Variants in CFHR1 observed in about 807,000 individuals in gnomAD.
CFHR1 encodes the protein complement factor H related 1.
CFHR1 carries 22 observed loss-of-function variants against 30.4 expected under a neutral mutation model. The ratio of observed to expected loss-of-function variants is 0.72; its 90% CI spans 0.52 to 1.03. CFHR1 has a LOEUF of 1.03. Among genes scored for constraint, CFHR1 ranks in the 50% least tolerant of loss-of-function variants. The probability of loss-of-function intolerance (pLI) is 0.00; values close to 1 mark genes in which losing one functional copy is unlikely to be tolerated. For synonymous variants in CFHR1, 95 were observed against 129.1 expected (o/e 0.74, Z 1.79); for missense variants, 248 against 380.6 (o/e 0.65, Z 2.90).
In CFHR1 at chr1:196,831,169, A is replaced by C. The variant is rs1323627298; in HGVS notation, c.790+487A>C. ...ACAAAAAAGTAATTTTTCTCTTTAT[A>C]TTTATATTTTATTTTAAAGAATTTA... On this transcript the variant is annotated intron_variant, in intron 5 of 5. Coordinates refer to ENST00000320493, the MANE Select transcript of CFHR1 (RefSeq NM_002113.3). Among the ~76,000 whole-genome samples, 4 of 136,176 alleles carry C rather than the reference A, an allele frequency of 2.9e-5. 1 individual carries two copies. Among genetic ancestry groups the C allele is most frequent in the East Asian group, 3.9e-4 (2 of 5,124 alleles). The allele number at this position is 136,176 out of a possible 152,430, so 89.3% of individuals were successfully genotyped here.
intron 2 of CFHR1, 90 bp downstream of exon 2, chr1:196,825,761 G>T: frequency 1.6e-6 from 2 of 1,290,176 alleles, no homozygotes; most frequent in Non-Finnish European, 1.1e-6. Context: ...GATAATCACA[G>T]GGACAGTGAC....
At chr1:196,826,511 A>C (rs1179429666) in intron 2 of CFHR1, among the ~76,000 whole-genome samples, 3 of 132,866 alleles carry the variant, frequency 2.3e-5, no homozygotes, top group Admixed American at 7.3e-5. Flanking sequence ...TTTGTTTTTG[A>C]GCCATCTCAA....
At chr1:196,831,037 CAG>C (rs1310142817) in intron 5 of CFHR1, among the ~76,000 whole-genome samples, 1 of 134,506 alleles carries the variant, frequency 7.4e-6, no homozygotes, top group Non-Finnish European at 1.6e-5. Context: ...GAGTCTGAGG[CAG>C]GAAAATGGCG....
At chr1:196,822,018 G>T (rs1426395336) in intron 1 of CFHR1, among the ~76,000 whole-genome samples, 1 of 131,470 alleles carries the variant, frequency 7.6e-6, no homozygotes, top group Non-Finnish European at 1.6e-5. Flanking sequence ...ATATAGAAAA[G>T]TACAATAAAA....
At chr1:196,820,595 A>G (rs1162149174) in intron 1 of CFHR1, among the ~76,000 whole-genome samples, 3 of 124,874 alleles carry the variant, frequency 2.4e-5, no homozygotes, top group African/African-American at 1.1e-4. Flanking sequence ...CAAAATCTCT[A>G]CCAAGGTCTA....
Position 196,820,847 on chromosome 1 carries a change from A to ATT in CFHR1, c.58+953_58+954dup, listed in dbSNP as rs1186295788. 3.9e-4 allele frequency: 49 copies of ATT among 125,086 alleles called. 6 individuals are homozygous for ATT. The highest frequency in any genetic ancestry group is 1.6e-3 in the African/African-American group (44 of 27,068). 7.7% of individuals were successfully genotyped at this position (125,086 alleles called of 1,614,324 possible). A position where few individuals can be genotyped will look rare whatever the true frequency, so the allele number is the denominator to read the frequency against. On this transcript the variant is annotated intron_variant, in intron 1 of 5. Coordinates refer to ENST00000320493, the MANE Select transcript of CFHR1 (RefSeq NM_002113.3). ...ATATTATTTCTATTGCTTGAAATTC[A>ATT]TTTTTTTTTGAGATGGACTTTCACT...
rs1553292704 is a variant in CFHR1 at position 196,823,101 on chromosome 1, A to ATATGTG, written c.59-2375_59-2374insATGTGT. Among the ~76,000 whole-genome samples, 85 of 47,052 alleles carry ATATGTG rather than the reference A, an allele frequency of 1.8e-3. 13 individuals are homozygous for ATATGTG. Among genetic ancestry groups the ATATGTG allele is most frequent in the African/African-American group, 8.4e-3 (76 of 9,090 alleles). 30.9% of individuals were successfully genotyped at this position (47,052 alleles called of 152,430 possible). A position where few individuals can be genotyped will look rare whatever the true frequency, so the allele number is the denominator to read the frequency against. ...TACGACTGTATATATATATATATATATGTGTGTGTGTGTGTGTGTGTGTGT... is the reference window on the plus strand; with the variant it reads ...TACGACTGTATATATATATATATATATATGTGTGTGTGTGTGTGTGTGTGTGTGTGT... On this transcript the variant is annotated intron_variant, in intron 1 of 5. Transcript: ENST00000320493.
At chr1:196,825,389 C>A in intron 1 of CFHR1, 88 bp from the exon 2 acceptor site, 1 of 1,022,130 alleles carries the variant, frequency 9.8e-7, no homozygotes, top group Non-Finnish European at 1.4e-6. Context: ...GAAAGAAAAA[C>A]ACTATAAGTG....
rs542932385 is a variant in CFHR1, at chr1:196,824,231, T to C, written c.59-1246T>C. Among the ~76,000 whole-genome samples, 3 of 125,766 alleles carry C rather than the reference T, an allele frequency of 2.4e-5. 1 individual carries two copies. In the South Asian group the frequency reaches 8.5e-4, roughly 36 times the overall value. 82.5% of individuals were successfully genotyped at this position (125,766 alleles called of 152,430 possible). On this transcript the variant is annotated intron_variant, in intron 1 of 5. Transcript: ENST00000320493. Reference sequence around the variant, plus strand: ...GTAGTATTTGTACATAACCTGTGCATATCCTCCCATACAATTTATTTTATT... The same window carrying C: ...GTAGTATTTGTACATAACCTGTGCACATCCTCCCATACAATTTATTTTATT...
intron 1 of CFHR1, among the ~76,000 whole-genome samples, chr1:196,823,600 T>C (rs1297440547): frequency 7.4e-6 from 1 of 135,740 alleles, no homozygotes; most frequent in Non-Finnish European, 1.6e-5. Flanking sequence ...TCTAGATAGA[T>C]GAAAAAGAGA....
At chr1:196,826,408 A>G (rs1207133155) in intron 2 of CFHR1, among the ~76,000 whole-genome samples, 1 of 135,392 alleles carries the variant, frequency 7.4e-6, no homozygotes, top group Non-Finnish European at 1.6e-5. Context: ...TATATATAGT[A>G]GCATGAGTTA....
At position 196,831,853 on chromosome 1, in the gene CFHR1, A is replaced by G. The variant is rs552529752; in HGVS notation, c.847A>G (p.Thr283Ala). 3.4e-5 allele frequency: 52 copies of G among 1,525,462 alleles called. 14 individuals are homozygous for G. Among genetic ancestry groups the G allele is most frequent in the Non-Finnish European group, 1.4e-5 (16 of 1,129,430 alleles). The allele number at this position is 1,525,462 out of a possible 1,614,324, so 94.5% of individuals were successfully genotyped here. Residue 283 changes from threonine to alanine, a missense_variant, in exon 6 of 6, where the codon ACA becomes GCA. Coordinates refer to ENST00000320493, the MANE Select transcript of CFHR1 (RefSeq NM_002113.3). The part of the protein sequence containing the change: ...MENYNIALRW[T>A]AKQKLYLRTG... ...AAATTATAACATAGCATTAAGGTGG[A>G]CAGCCAAACAGAAGCTTTATTTGAG...
In CFHR1 at chr1:196,825,469, T is replaced by C; in HGVS notation, c.59-8T>C. On this transcript the variant is annotated splice_polypyrimidine_tract_variant and splice_region_variant and intron_variant, in intron 1 of 5. Coordinates refer to ENST00000320493, the MANE Select transcript of CFHR1 (RefSeq NM_002113.3). Reference sequence around the variant, plus strand: ...ATGTAATTCTTCAGTTTTATGTTATTTTCCCAGCAACATTTTGTGATTTTC... The same window carrying C: ...ATGTAATTCTTCAGTTTTATGTTATCTTCCCAGCAACATTTTGTGATTTTC... The C allele has an allele frequency of 6.9e-7, 1 of 1,449,476 alleles. No homozygotes were observed. Among genetic ancestry groups the C allele is most frequent in the Non-Finnish European group, 9.4e-7 (1 of 1,064,598 alleles). 89.8% of individuals were successfully genotyped at this position (1,449,476 alleles called of 1,614,324 possible).
intron 1 of CFHR1, among the ~76,000 whole-genome samples, chr1:196,822,241 T>G (rs1655145264): frequency 8.7e-6 from 1 of 114,560 alleles, no homozygotes; most frequent in African/African-American, 4.2e-5. Context: ...CTTGAATAGT[T>G]TTGGGGGAGC....
In CFHR1 at chr1:196,831,047, G is replaced by A. The variant is rs1655537122; in HGVS notation, c.790+365G>A. On this transcript the variant is annotated intron_variant, in intron 5 of 5. Transcript: ENST00000320493. ...GTCGGGAGTCTGAGGCAGGAAAATG[G>A]CGGGAACCCGGGAGGCGGAGCTTGC... is the stretch of plus-strand genomic sequence containing the variant. Among the ~76,000 whole-genome samples, 3 of 135,090 alleles carry A rather than the reference G, an allele frequency of 2.2e-5. 1 individual carries two copies. The South Asian group carries it at 7.6e-4, about 34-fold the overall frequency. 88.6% of individuals were successfully genotyped at this position (135,090 alleles called of 152,430 possible).
Position 196,828,499 on chromosome 1 carries a change from T to G in CFHR1, c.607+253T>G, listed in dbSNP as rs1365893313. ...ACTTTTTAAGCATCACAACACTTAG[T>G]TCCTTCTCAGGAATACGTGTAATAA... On this transcript the variant is annotated intron_variant, in intron 4 of 5. Transcript: ENST00000320493. 1.5e-5 allele frequency among the ~76,000 whole-genome samples: 2 copies of G among 133,126 alleles called. 1 individual carries two copies. Among genetic ancestry groups the G allele is most frequent in the African/African-American group, 6.5e-5 (2 of 30,738 alleles). The allele number at this position is 133,126 out of a possible 152,430, so 87.3% of individuals were successfully genotyped here. A position where few individuals can be genotyped will look rare whatever the true frequency, so the allele number is the denominator to read the frequency against.
chr1:196,829,992 A>G (rs1655480674), intron 4 of CFHR1, among the ~76,000 whole-genome samples: 1 of 134,636 alleles, frequency 7.4e-6, no homozygotes, highest in African/African-American at 3.2e-5. Flanking sequence ...AGAGTGGGTA[A>G]TTTATATTGC....
At chr1:196,826,465 C>T (rs1655326658) in intron 2 of CFHR1, among the ~76,000 whole-genome samples, 1 of 90,884 alleles carries the variant, frequency 1.1e-5, no homozygotes. Context: ...TGAAAGCTTT[C>T]CTTTTTAATT....
chr1:196,820,571 A>G (rs1359488332), intron 1 of CFHR1, among the ~76,000 whole-genome samples: 1 of 123,966 alleles, frequency 8.1e-6, no homozygotes, highest in Non-Finnish European at 1.6e-5. Flanking sequence ...CCACCATATC[A>G]AAGGAATTGC....
Sources: allele counts gnomAD v4.1 joint callset (sites outside exome capture counted in the v4.1 genomes callset), GRCh38; gene constraint gnomAD v4.1.1; transcripts MANE v1.5; gene names NCBI Gene and HGNC (gene_info 2026-07-23, HGNC 2026-07-21).